The following MPP7 variants were observed in gnomAD, a reference collection of about 807,000 sequenced individuals.
MPP7 encodes MAGUK p55 scaffold protein 7, also known as MAGUK p55 subfamily member 7.
MPP7 carries 60 observed loss-of-function variants against 76.5 expected under a neutral mutation model. The ratio of observed to expected loss-of-function variants is 0.78; its 90% CI spans 0.64 to 0.97. The LOEUF (loss-of-function observed/expected upper bound fraction) is 0.97. Among genes scored for constraint, MPP7 ranks in the 50% least tolerant of loss-of-function variants. The pLI, the probability that MPP7 is intolerant of heterozygous loss-of-function variation, is 0.00. For synonymous variants in MPP7, 237 were observed against 244.5 expected (o/e 0.97, Z 0.29); for missense variants, 641 against 694.0 (o/e 0.92, Z 0.86).
At chr10:28,177,711 C>T (rs1836921940) in intron 3 of MPP7, among the ~76,000 whole-genome samples, 1 of 152,078 alleles carries the variant, frequency 6.6e-6, no homozygotes, top group East Asian at 1.9e-4. Context: ...TTAAAAATAA[C>T]AGAAATGAGA....
intron 1 of MPP7, among the ~76,000 whole-genome samples, chr10:28,293,163 G>A (rs770100390): frequency 6.6e-6 from 1 of 151,374 alleles, no homozygotes; most frequent in South Asian, 2.1e-4. Flanking sequence ...AAAATCCAAC[G>A]AGAGACTGAA....
At chr10:28,218,954 T>C (rs541480634) in intron 2 of MPP7, among the ~76,000 whole-genome samples, 96 of 152,298 alleles carry the variant, frequency 6.3e-4, no homozygotes, top group African/African-American at 2.3e-3. Context: ...CACAGCACTT[T>C]TTCAAGAAAT....
chr10:28,218,408 G>A (rs959687315), intron 2 of MPP7, among the ~76,000 whole-genome samples: 4 of 152,180 alleles, frequency 2.6e-5, no homozygotes, highest in Non-Finnish European at 5.9e-5. Flanking sequence ...AATCGTGTGT[G>A]GAAGAAAGAA....
At chr10:28,121,812 T>TTAAA (rs1834850934) in intron 8 of MPP7, among the ~76,000 whole-genome samples, 2 of 145,316 alleles carry the variant, frequency 1.4e-5, no homozygotes, top group African/African-American at 5.0e-5. Flanking sequence ...TCCATTTATT[T>TTAAA]AAAAAAAAAA....
chr10:28,110,033 C>T (rs981916800), intron 11 of MPP7, among the ~76,000 whole-genome samples: 1 of 151,260 alleles, frequency 6.6e-6, no homozygotes, highest in Non-Finnish European at 1.5e-5. Flanking sequence ...TTTCTTGATG[C>T]AGTTCCAAGA....
In MPP7 at chr10:28,131,584, A is replaced by G. The variant is rs753020803; in HGVS notation, c.423T>C (p.Arg141=). The G allele has an allele frequency of 1.2e-6, 2 of 1,601,844 alleles. No individual in the cohort carries two copies. The highest frequency in any genetic ancestry group is 1.7e-5 in the Admixed American group (1 of 59,708). The change falls in exon 6 of 17, where the codon CGT becomes CGC. Residue 141 remains arginine, a synonymous_variant. Transcript: ENST00000683449. ...DDEEDSVKII[R]LVKNREPLGA... is the part of the protein sequence containing the mutation. ...CCAGTGGTTCTCTATTTTTGACCAG[A>G]CGGATTATTTTTACTGAGTCTTCCT...
At chr10:28,122,249 TA>T (rs1283389089) in intron 8 of MPP7, among the ~76,000 whole-genome samples, 1 of 152,184 alleles carries the variant, frequency 6.6e-6, no homozygotes, top group African/African-American at 2.4e-5. Context: ...CAGTGTCATT[TA>T]ATAAGGACTC....
intron 2 of MPP7, among the ~76,000 whole-genome samples, chr10:28,223,167 A>G (rs1034554678): frequency 5.3e-5 from 8 of 152,104 alleles, no homozygotes; most frequent in African/African-American, 1.9e-4. Flanking sequence ...AACTATTCAA[A>G]TGTATTAATA....
intron 11 of MPP7, among the ~76,000 whole-genome samples, chr10:28,095,063 G>A (rs1853497594): frequency 6.6e-6 from 1 of 151,768 alleles, no homozygotes; most frequent in African/African-American, 2.4e-5. Context: ...ATAGTTATTT[G>A]TTACCATATT....
At chr10:28,071,409 G>GTCCCGAGGTGGTCAT (rs1168034605) in intron 12 of MPP7, among the ~76,000 whole-genome samples, 2 of 152,084 alleles carry the variant, frequency 1.3e-5, no homozygotes, top group Non-Finnish European at 1.5e-5. Flanking sequence ...AAAAACACCT[G>GTCCCGAGGTGGTCAT]TCCCGAGGTG....
At chr10:28,109,848 C>CAAAAAAAAAAAAAAAAAA (rs869206744) in intron 11 of MPP7, among the ~76,000 whole-genome samples, 1 of 19,218 alleles carries the variant, frequency 5.2e-5, no homozygotes, top group Admixed American at 1.1e-3. Flanking sequence ...GCCGCAGACG[C>CAAAAAAAAAAAAAAAAAA]AAAAAAAAAA....
intron 1 of MPP7, among the ~76,000 whole-genome samples, chr10:28,256,688 A>T (rs539400656): frequency 6.6e-6 from 1 of 152,214 alleles, no homozygotes; most frequent in Non-Finnish European, 1.5e-5. Context: ...TACGTATATA[A>T]CTAAGAACAG....
intron 2 of MPP7, among the ~76,000 whole-genome samples, chr10:28,316,990 C>A (rs544158407): frequency 6.6e-6 from 1 of 152,160 alleles, no homozygotes; most frequent in East Asian, 1.9e-4. Flanking sequence ...GCTGTACCCA[C>A]GCATGTATGT....
At chr10:28,139,634 T>C (rs937445651) in intron 5 of MPP7, among the ~76,000 whole-genome samples, 2 of 152,180 alleles carry the variant, frequency 1.3e-5, no homozygotes, top group African/African-American at 2.4e-5. Context: ...TATTAGTACC[T>C]ACTTAATAGG....
At position 28,303,044 on chromosome 10, in the gene MPP7, C is replaced by T. The variant is rs1564767513; in HGVS notation, c.-315G>A. Among the ~76,000 whole-genome samples, 1 of 150,090 alleles carries T rather than the reference C, an allele frequency of 6.7e-6. No individual in the cohort carries two copies. Among genetic ancestry groups the T allele is most frequent in the South Asian group, 2.1e-4 (1 of 4,832 alleles). The stretch of plus-strand genomic sequence containing the variant: ...CCCAGTGGGAGCCCGGCCCCCGCCT[C>T]CAGCCCGGCTAGTAACCAACACGGC... On this transcript the variant is annotated 5_prime_UTR_variant, in exon 1 of 17. Transcript: ENST00000683449.
intron 5 of MPP7, among the ~76,000 whole-genome samples, chr10:28,137,286 C>T (rs534631755): frequency 6.6e-6 from 1 of 152,222 alleles, no homozygotes; most frequent in South Asian, 2.1e-4. Context: ...AAAATATACA[C>T]AAGCTGAAAG....
intron 2 of MPP7, among the ~76,000 whole-genome samples, chr10:28,324,966 C>T (rs1339537404): frequency 6.6e-6 from 1 of 152,198 alleles, no homozygotes; most frequent in Non-Finnish European, 1.5e-5. Context: ...GTTCACAGCT[C>T]GCTGCAGCCT....
chr10:28,324,379 T>G (rs1834392401), intron 2 of MPP7, among the ~76,000 whole-genome samples: 1 of 152,226 alleles, frequency 6.6e-6, no homozygotes, highest in African/African-American at 2.4e-5. Flanking sequence ...CAGGCTATGA[T>G]GTTTTGTTAT....
chr10:28,286,126 C>T (rs1240351179), intron 1 of MPP7, among the ~76,000 whole-genome samples: 1 of 152,046 alleles, frequency 6.6e-6, no homozygotes, highest in Non-Finnish European at 1.5e-5. Flanking sequence ...GGGCGGATCA[C>T]AAGGTCAGGA....
Sources: allele counts gnomAD v4.1 joint callset (sites outside exome capture counted in the v4.1 genomes callset), GRCh38; gene constraint gnomAD v4.1.1; transcripts MANE v1.5; gene names NCBI Gene and HGNC (gene_info 2026-07-23, HGNC 2026-07-21).